The following ETV6 variants were observed in gnomAD, a reference collection of about 807,000 sequenced individuals.
ETV6 encodes transcription factor ETV6.
Under a neutral mutation model 51.1 loss-of-function variants are expected in ETV6, and 16 were observed. The observed-to-expected ratio is 0.31, with a 90% confidence interval of 0.21 to 0.48. The LOEUF is 0.48. Ranked by LOEUF, ETV6 falls within the 20% of genes least tolerant of loss-of-function variation. ETV6 has a pLI of 0.99. For missense variants in ETV6, 458 were observed against 594.8 expected, an observed-to-expected ratio of 0.77 and a Z score of 2.39; for synonymous variants, 240 against 224.1, an observed-to-expected ratio of 1.07 and a Z score of -0.64.
chr12:11,691,266 G>A (rs758267812), intron 1 of ETV6, among the ~76,000 whole-genome samples: 2 of 152,072 alleles, frequency 1.3e-5, no homozygotes, highest in African/African-American at 2.4e-5. Context: ...TTCAACATAC[G>A]AATTCTGGGG....
intron 2 of ETV6, among the ~76,000 whole-genome samples, chr12:11,755,268 A>G (rs1003828657): frequency 1.3e-5 from 2 of 152,240 alleles, no homozygotes; most frequent in African/African-American, 4.8e-5. Context: ...ACAGCTATAA[A>G]ATATAGAACT....
intron 3 of ETV6, 36 bp from the exon 4 acceptor site, chr12:11,853,391 T>C: frequency 6.2e-7 from 1 of 1,613,374 alleles, no homozygotes; most frequent in South Asian, 1.1e-5. Context: ...AAAACATCTT[T>C]CCATTTCTCG....
At chr12:11,797,367 C>T (rs1003720826) in intron 2 of ETV6, among the ~76,000 whole-genome samples, 20 of 152,094 alleles carry the variant, frequency 1.3e-4, no homozygotes, top group African/African-American at 4.1e-4. Context: ...GGCTGCCAGT[C>T]GTTGGTGAAT....
At chr12:11,867,042 G>A (rs1946799817) in intron 4 of ETV6, among the ~76,000 whole-genome samples, 1 of 152,180 alleles carries the variant, frequency 6.6e-6, no homozygotes, top group African/African-American at 2.4e-5. Context: ...ACAGAATCAG[G>A]GGGAAAGCTG....
chr12:11,883,015 TGTAATTCA>T (rs1947124703), intron 5 of ETV6, among the ~76,000 whole-genome samples: 1 of 152,220 alleles, frequency 6.6e-6, no homozygotes, highest in Admixed American at 6.5e-5. Flanking sequence ...AGTTCATACT[TGTAATTCA>T]GTAGTTGATC....
At chr12:11,674,609 G>A (rs1218973790) in intron 1 of ETV6, among the ~76,000 whole-genome samples, 1 of 134,158 alleles carries the variant, frequency 7.5e-6, no homozygotes, top group East Asian at 2.2e-4. Context: ...TTAATGTAGG[G>A]GTTATTTGTG....
intron 1 of ETV6, among the ~76,000 whole-genome samples, chr12:11,687,107 A>G (rs551556242): frequency 1.3e-5 from 2 of 152,252 alleles, no homozygotes; most frequent in African/African-American, 4.8e-5. Flanking sequence ...GCTGGTCTCA[A>G]AACTCCTGAC....
At chr12:11,741,095 T>A (rs2856337) in intron 1 of ETV6, among the ~76,000 whole-genome samples, 149,174 of 152,328 alleles carry the variant, frequency 0.98, 73,105 homozygotes, top group Middle Eastern at 1. Flanking sequence ...TTTTACTAAC[T>A]AGTCAGCTGC....
intron 1 of ETV6, among the ~76,000 whole-genome samples, chr12:11,705,447 C>T (rs909520342): frequency 2.6e-5 from 4 of 152,124 alleles, no homozygotes; most frequent in African/African-American, 9.7e-5. Context: ...GAGCGGCTTT[C>T]GATTAGATTA....
chr12:11,701,802 A>G (rs927736582), intron 1 of ETV6, among the ~76,000 whole-genome samples: 4 of 152,340 alleles, frequency 2.6e-5, no homozygotes, highest in Middle Eastern at 3.4e-3. Context: ...TGATCTGCTC[A>G]GGACCGTGAG....
chr12:11,832,962 G>C (rs1185599869), intron 2 of ETV6, among the ~76,000 whole-genome samples: 2 of 152,208 alleles, frequency 1.3e-5, no homozygotes, highest in Admixed American at 6.5e-5. Flanking sequence ...GCTTAGCAAA[G>C]CCACAGATGA....
rs77795763 is a variant in ETV6, at chr12:11,751,289, A to G, written c.34-1161A>G. The stretch of plus-strand genomic sequence containing the variant: ...AAATGTTAAAGAACTATCTTTCCAA[A>G]ACGTAAACACTGCCTTCCCTTTACT... On this transcript the variant is annotated intron_variant, in intron 1 of 7. Transcript: ENST00000396373. 3.5e-3 allele frequency: 1,808 copies of G among 515,784 alleles called. 31 individuals carry two copies. The highest frequency in any genetic ancestry group is 0.031 in the African/African-American group (1,608 of 51,804). 32.0% of individuals were successfully genotyped at this position (515,784 alleles called of 1,614,324 possible).
intron 2 of ETV6, among the ~76,000 whole-genome samples, chr12:11,783,021 C>T (rs187966247): frequency 2.0e-5 from 3 of 151,790 alleles, no homozygotes; most frequent in African/African-American, 4.8e-5. Flanking sequence ...TAGCAATGAT[C>T]TAGGTGAGAA....
At chr12:11,739,864 G>A (rs945430454) in intron 1 of ETV6, among the ~76,000 whole-genome samples, 4 of 152,138 alleles carry the variant, frequency 2.6e-5, no homozygotes, top group Admixed American at 1.3e-4. Flanking sequence ...AGTGCCTTAC[G>A]GGATCCATCA....
At chr12:11,657,686 G>A (rs528533995) in intron 1 of ETV6, among the ~76,000 whole-genome samples, 21 of 152,278 alleles carry the variant, frequency 1.4e-4, no homozygotes, top group African/African-American at 4.3e-4. Flanking sequence ...TCAGATATAC[G>A]GAAAACGACT....
intron 2 of ETV6, among the ~76,000 whole-genome samples, chr12:11,808,094 C>T (rs1314140724): frequency 6.6e-6 from 1 of 152,118 alleles, no homozygotes; most frequent in Non-Finnish European, 1.5e-5. Context: ...CTAGAATTCT[C>T]AATGTAAGTC....
chr12:11,661,659 A>AT (rs1480198873), intron 1 of ETV6, among the ~76,000 whole-genome samples: 1 of 152,222 alleles, frequency 6.6e-6, no homozygotes, highest in Non-Finnish European at 1.5e-5. Context: ...ATTTTGTGCC[A>AT]TTTAGTCCTT....
intron 2 of ETV6, among the ~76,000 whole-genome samples, chr12:11,804,829 G>A (rs1945804884): frequency 6.6e-6 from 1 of 152,176 alleles, no homozygotes; most frequent in Admixed American, 6.5e-5. Context: ...TAGGGTAATT[G>A]GATGGGCCTG....
intron 2 of ETV6, among the ~76,000 whole-genome samples, chr12:11,760,286 T>TACCAGTAGCTCTC (rs1186391780): frequency 6.6e-6 from 1 of 152,218 alleles, no homozygotes; most frequent in African/African-American, 2.4e-5. Flanking sequence ...AGATCATGGA[T>TACCAGTAGCTCTC]ACCAGTAGCT....
Sources: gnomAD v4.1 joint callset for allele counts (sites outside exome capture counted in the v4.1 genomes callset) on GRCh38, gnomAD v4.1.1 for gene constraint, MANE v1.5 for transcripts, NCBI Gene and HGNC (gene_info 2026-07-23, HGNC 2026-07-21) for gene names.